Variants in NCKAP5 observed in about 807,000 individuals in gnomAD.
NCKAP5 encodes the protein nck-associated protein 5.
Under a neutral mutation model 167.0 loss-of-function variants are expected in NCKAP5, and 92 were observed. The observed-to-expected ratio is 0.55, with a 90% CI of 0.47 to 0.66. The LOEUF is 0.66. Among genes scored for constraint, NCKAP5 ranks in the 30% least tolerant of loss-of-function variants. The pLI is 0.00. For missense variants in NCKAP5, 2,378 were observed against 2,315.0 expected (o/e 1.03, Z -0.56); for synonymous variants, 891 against 877.4 (o/e 1.02, Z -0.27).
the NCKAP5 span, among the ~76,000 whole-genome samples, chr2:133,647,417 A>AG: frequency 8.6e-6 from 1 of 116,066 alleles, no homozygotes; most frequent in African/African-American, 4.2e-5. Flanking sequence ...GGAAGGAAGG[A>AG]AGAGAAAGAA....
chr2:132,807,541 T>C lies in NCKAP5; in HGVS notation c.808-10812A>G, dbSNP rs374255396. ...GCTATTGTAAAAGGGGTTGAGCTCT[T>C]GGTTTGATTCTCCACTTGGTTGCTG... is the stretch of plus-strand genomic sequence containing the variant. On this transcript the variant is annotated intron_variant, in intron 11 of 19. Coordinates refer to ENST00000409261, the MANE Select transcript of NCKAP5 (RefSeq NM_207363.3). 2.7e-4 allele frequency among the ~76,000 whole-genome samples: 41 copies of C among 152,298 alleles called. No individual in the cohort carries two copies. The East Asian group carries it at 7.3e-3, about 27-fold the overall frequency.
intron 2 of NCKAP5, among the ~76,000 whole-genome samples, chr2:133,533,366 G>A (rs971622618): frequency 2.6e-5 from 4 of 152,126 alleles, no homozygotes; most frequent in African/African-American, 7.2e-5. Context: ...AGATTAGTTC[G>A]GTTTTTAAAA....
intron 6 of NCKAP5, among the ~76,000 whole-genome samples, chr2:133,028,920 C>T (rs2078785455): frequency 1.3e-5 from 2 of 152,064 alleles, no homozygotes; most frequent in South Asian, 2.1e-4. Flanking sequence ...TGGCACCTTC[C>T]CCTCGCTCTC....
chr2:133,337,906 C>T (rs529522612), intron 3 of NCKAP5, among the ~76,000 whole-genome samples: 83 of 152,242 alleles, frequency 5.5e-4, no homozygotes, highest in African/African-American at 1.9e-3. Flanking sequence ...TGCTGTAGCA[C>T]GGGATGCATA....
At position 133,178,504 on chromosome 2, in the gene NCKAP5, C is replaced by CA. The variant is rs869253241; in HGVS notation, c.207+35211dup. Among the ~76,000 whole-genome samples, 158 of 23,952 alleles carry CA rather than the reference C, an allele frequency of 6.6e-3. 51 individuals are homozygous for CA. Among genetic ancestry groups the CA allele is most frequent in the African/African-American group, 0.017 (65 of 3,760 alleles). 15.7% of individuals were successfully genotyped at this position (23,952 alleles called of 152,430 possible). Reference sequence around the variant, plus strand: ...TGGGTGACACAATGAGACCCTGTCTCAAAAAAAAAAAAAAAAAAAAAAAAA... The same window carrying CA: ...TGGGTGACACAATGAGACCCTGTCTCAAAAAAAAAAAAAAAAAAAAAAAAAA... On this transcript the variant is annotated intron_variant, in intron 5 of 19. Coordinates refer to ENST00000409261, the MANE Select transcript of NCKAP5 (RefSeq NM_207363.3).
Position 133,166,698 on chromosome 2 carries a change from T to C in NCKAP5, c.208-36587A>G, listed in dbSNP as rs772173598. Among the ~76,000 whole-genome samples the C allele has an allele frequency of 3.3e-5, 5 of 152,224 alleles. 1 individual carries two copies. The highest frequency in any genetic ancestry group is 4.8e-5 in the African/African-American group (2 of 41,456). On this transcript the variant is annotated intron_variant, in intron 5 of 19. Transcript: ENST00000409261. ...AGAATAGTTCACATTACCCAAGCCA[T>C]ACAATGTCTTTCATTTCGGCACAGT...
At chr2:132,898,141 C>G (rs1349112883) in intron 8 of NCKAP5, among the ~76,000 whole-genome samples, 1 of 152,238 alleles carries the variant, frequency 6.6e-6, no homozygotes, top group Non-Finnish European at 1.5e-5. Flanking sequence ...ATGTAATATG[C>G]TGAAATCTTC....
At chr2:133,490,372 A>G (rs1676800516) in intron 3 of NCKAP5, among the ~76,000 whole-genome samples, 1 of 152,204 alleles carries the variant, frequency 6.6e-6, no homozygotes, top group Non-Finnish European at 1.5e-5. Context: ...CAGAAAAGCA[A>G]CACATACAAA....
chr2:133,437,307 C>G (rs934987012), intron 3 of NCKAP5, among the ~76,000 whole-genome samples: 1 of 151,238 alleles, frequency 6.6e-6, no homozygotes, highest in Middle Eastern at 3.4e-3. Context: ...GAGCCGAGAT[C>G]GTGCCATTGC....
At chr2:133,293,315 C>G (rs1182185333) in intron 4 of NCKAP5, among the ~76,000 whole-genome samples, 1 of 152,138 alleles carries the variant, frequency 6.6e-6, no homozygotes, top group Non-Finnish European at 1.5e-5. Context: ...TTTACCCTGA[C>G]CCTTTTTGTG....
chr2:132,998,348 G>A (rs1398794915), intron 6 of NCKAP5, among the ~76,000 whole-genome samples: 1 of 152,126 alleles, frequency 6.6e-6, no homozygotes, highest in Non-Finnish European at 1.5e-5. Flanking sequence ...GGGTGGACAG[G>A]AAATTGTTAA....
chr2:133,027,479 A>G (rs547774145), intron 6 of NCKAP5, among the ~76,000 whole-genome samples: 33 of 152,358 alleles, frequency 2.2e-4, no homozygotes, highest in African/African-American at 7.5e-4. Flanking sequence ...CACGTGAGAC[A>G]GGCAGGTCAA....
intron 16 of NCKAP5, among the ~76,000 whole-genome samples, chr2:132,758,546 T>A (rs545523228): frequency 6.6e-6 from 1 of 152,170 alleles, no homozygotes; most frequent in Middle Eastern, 3.2e-3. Context: ...GGAAAAAAGA[T>A]GAGAATTCAA....
intron 3 of NCKAP5, among the ~76,000 whole-genome samples, chr2:133,366,991 G>T (rs1384354763): frequency 6.6e-6 from 1 of 152,092 alleles, no homozygotes; most frequent in East Asian, 1.9e-4. Flanking sequence ...CCCAAACAGC[G>T]ATTGGCTGAT....
chr2:133,330,053 CTT>C (rs1165568563), intron 3 of NCKAP5, among the ~76,000 whole-genome samples: 13 of 85,680 alleles, frequency 1.5e-4, no homozygotes, highest in African/African-American at 6.1e-4. Flanking sequence ...AAAGCAAGAC[CTT>C]TTTTTTTTTT....
chr2:132,787,908 A>G (rs1683720880), intron 13 of NCKAP5, among the ~76,000 whole-genome samples: 1 of 152,106 alleles, frequency 6.6e-6, no homozygotes, highest in African/African-American at 2.4e-5. Flanking sequence ...TTTGACCCCC[A>G]AGAAGACATG....
the NCKAP5 span, among the ~76,000 whole-genome samples, chr2:133,668,211 T>C: frequency 3.3e-5 from 5 of 152,042 alleles, no homozygotes; most frequent in Admixed American, 3.3e-4. Flanking sequence ...TTTCCACTTC[T>C]GGGAAAGTAT....
rs1685012349 is a variant in NCKAP5 at position 132,680,076 on chromosome 2, GACCCCTCCAC to G, written c.5714-6781_5714-6772del. Among the ~76,000 whole-genome samples, 3 of 152,050 alleles carry G rather than the reference GACCCCTCCAC, an allele frequency of 2.0e-5. No individual in the cohort carries two copies. The South Asian group carries it at 6.2e-4, about 31-fold the overall frequency. ...AGAATGACCTTTGGTGATCACTAGA[GACCCCTCCAC>G]ACTTTTCTCAAGAGTTGTGATATTA... On this transcript the variant is annotated intron_variant, in intron 19 of 19. Coordinates refer to ENST00000409261, the MANE Select transcript of NCKAP5 (RefSeq NM_207363.3).
chr2:133,087,849 A>G (rs1448777823), intron 6 of NCKAP5, among the ~76,000 whole-genome samples: 3 of 152,156 alleles, frequency 2.0e-5, no homozygotes, highest in Non-Finnish European at 4.4e-5. Context: ...CACAACAAAT[A>G]TTTACTGAGC....
Sources: allele counts gnomAD v4.1 joint callset (sites outside exome capture counted in the v4.1 genomes callset), GRCh38; gene constraint gnomAD v4.1.1; transcripts MANE v1.5; gene names NCBI Gene and HGNC (gene_info 2026-07-23, HGNC 2026-07-21).